Variants in CELF2 observed in about 807,000 individuals in gnomAD.
The protein encoded by CELF2 is CUGBP Elav-like family member 2.
In CELF2, 8 loss-of-function variants were observed where a neutral mutation model predicts 62.6. The ratio of observed to expected loss-of-function variants is 0.13; its 90% CI spans 0.07 to 0.23. The LOEUF (loss-of-function observed/expected upper bound fraction) is 0.23. CELF2 is among the 10% of genes least tolerant of loss of function. The pLI, the probability that CELF2 is intolerant of heterozygous loss-of-function variation, is 1.00. For synonymous variants in CELF2, 258 were observed against 250.0 expected (o/e 1.03, Z -0.30); for missense variants, 333 against 671.0 (o/e 0.50, Z 5.56).
At chr10:11,188,213 C>G (rs6602479) in intron 2 of CELF2, among the ~76,000 whole-genome samples, 16,961 of 152,230 alleles carry the variant, frequency 0.11, 1,058 homozygotes, top group East Asian at 0.17. Flanking sequence ...TCAAGTGATT[C>G]TCCTGCCTCA....
At chr10:10,781,982 C>A in the CELF2 span, among the ~76,000 whole-genome samples, 15 of 152,088 alleles carry the variant, frequency 9.9e-5, no homozygotes, top group Admixed American at 9.8e-4. Flanking sequence ...CAACTATTTA[C>A]ACAGCATTTA....
chr10:11,082,568 T>C (rs1040027550), intron 1 of CELF2, among the ~76,000 whole-genome samples: 1 of 152,250 alleles, frequency 6.6e-6, no homozygotes, highest in Non-Finnish European at 1.5e-5. Context: ...ACTCCTCTTC[T>C]GTGGCTCTCA....
chr10:11,178,507 G>A lies in CELF2; in HGVS notation c.271+12825G>A, dbSNP rs2072074018. On this transcript the variant is annotated intron_variant, in intron 2 of 12. Transcript: ENST00000633077. This position sits in a 1 kb window ranked among gnomAD's most constrained non-coding sequence, Gnocchi z 4.3. ...ATGAATAAATTAAAGACACACTTTT[G>A]TAATCGTATATTTTAGGCTTTCCTC... Among the ~76,000 whole-genome samples, 1 of 152,242 alleles carries A rather than the reference G, an allele frequency of 6.6e-6. No homozygotes were observed. The highest frequency in any genetic ancestry group is 1.5e-5 in the Non-Finnish European group (1 of 68,034).
chr10:10,914,026 C>A (rs2064095438), intron 1 of CELF2, among the ~76,000 whole-genome samples: 1 of 151,710 alleles, frequency 6.6e-6, no homozygotes, highest in African/African-American at 2.4e-5. Context: ...GGTTGTAATA[C>A]TTTCACTCCT....
chr10:10,508,919 T>G, the CELF2 span, among the ~76,000 whole-genome samples: 1 of 151,940 alleles, frequency 6.6e-6, no homozygotes, highest in Non-Finnish European at 1.5e-5. Context: ...CGTGATCCAC[T>G]CGCCTCGGCC....
chr10:11,196,705 C>G (rs1221210121), intron 2 of CELF2, among the ~76,000 whole-genome samples: 1 of 151,640 alleles, frequency 6.6e-6, no homozygotes, highest in African/African-American at 2.4e-5. Flanking sequence ...CACCTGTAAT[C>G]CCAGCACTTT....
intron 2 of CELF2, chr10:10,923,731 T>G (rs759230011): frequency 1.3e-5 from 2 of 152,260 alleles, no homozygotes; most frequent in Non-Finnish European, 2.9e-5. Context: ...CCAATGATCT[T>G]GTTAGGATTA....
the CELF2 span, among the ~76,000 whole-genome samples, chr10:10,694,494 T>C: frequency 6.6e-6 from 1 of 152,160 alleles, no homozygotes; most frequent in Non-Finnish European, 1.5e-5. Flanking sequence ...TTCTGTTGAT[T>C]TGGGGTGGAG....
the CELF2 span, among the ~76,000 whole-genome samples, chr10:10,720,180 C>T: frequency 7.2e-5 from 11 of 152,254 alleles, no homozygotes; most frequent in Admixed American, 2.0e-4. Context: ...CGGCAGGCAA[C>T]TCATCTATAA....
At chr10:11,099,696 G>A (rs958731326) in intron 1 of CELF2, among the ~76,000 whole-genome samples, 35 of 152,062 alleles carry the variant, frequency 2.3e-4, no homozygotes, top group African/African-American at 8.0e-4. Context: ...CTTTGTTACC[G>A]TAATATATTT....
At chr10:10,701,929 C>T in the CELF2 span, among the ~76,000 whole-genome samples, 1 of 152,210 alleles carries the variant, frequency 6.6e-6, no homozygotes, top group Non-Finnish European at 1.5e-5. Flanking sequence ...GCCTCATGAA[C>T]TTCTCCTGCG....
At chr10:10,872,045 T>C (rs1195860411) in intron 1 of CELF2, among the ~76,000 whole-genome samples, 1 of 152,262 alleles carries the variant, frequency 6.6e-6, no homozygotes, top group East Asian at 1.9e-4. Context: ...TTACTCATTT[T>C]AGAAAATGCT....
chr10:10,964,514 G>T (rs1335270028), intron 2 of CELF2, among the ~76,000 whole-genome samples: 11 of 152,096 alleles, frequency 7.2e-5, no homozygotes, highest in Admixed American at 7.2e-4. Context: ...TCACTTTAAG[G>T]TCAGGCCTAT....
At chr10:11,278,991 A>G (rs2087217817) in intron 8 of CELF2, among the ~76,000 whole-genome samples, 1 of 152,140 alleles carries the variant, frequency 6.6e-6, no homozygotes, top group Admixed American at 6.5e-5. Flanking sequence ...CAGCCCCTTG[A>G]GGTGTGTTTC....
intron 1 of CELF2, among the ~76,000 whole-genome samples, chr10:11,036,290 C>T (rs931928381): frequency 6.6e-6 from 1 of 152,138 alleles, no homozygotes; most frequent in African/African-American, 2.4e-5. Context: ...TGTATTTGTA[C>T]GATGTAACTT....
intron 1 of CELF2, among the ~76,000 whole-genome samples, chr10:11,115,018 C>A (rs1056019917): frequency 2.0e-5 from 3 of 152,110 alleles, no homozygotes; most frequent in African/African-American, 7.2e-5. Flanking sequence ...AACATTTTTG[C>A]AAGGATGAAT....
At chr10:10,541,205 T>G in the CELF2 span, among the ~76,000 whole-genome samples, 1 of 138,000 alleles carries the variant, frequency 7.2e-6, no homozygotes, top group Non-Finnish European at 1.5e-5. Flanking sequence ...ATCATGCCAC[T>G]GCACTCCAGG....
At chr10:10,705,762 A>G in the CELF2 span, among the ~76,000 whole-genome samples, 2 of 152,196 alleles carry the variant, frequency 1.3e-5, no homozygotes, top group African/African-American at 2.4e-5. Context: ...TTCATGTATA[A>G]CATTTGGCAA....
At chr10:10,999,331 A>C (rs1428155435) in intron 2 of CELF2, among the ~76,000 whole-genome samples, 1 of 152,254 alleles carries the variant, frequency 6.6e-6, no homozygotes, top group Non-Finnish European at 1.5e-5. Flanking sequence ...CCCTGTTTTC[A>C]TGGAACTTAG....
Sources: allele counts gnomAD v4.1 joint callset (sites outside exome capture counted in the v4.1 genomes callset), GRCh38; gene constraint gnomAD v4.1.1; non-coding constraint Gnocchi (gnomAD v3.1); transcripts MANE v1.5; gene names NCBI Gene and HGNC (gene_info 2026-07-23, HGNC 2026-07-21).